The following AHI1 variants were observed in gnomAD, a reference collection of about 807,000 sequenced individuals.
AHI1 encodes Abelson helper integration site 1, also known as jouberin.
AHI1 carries 123 observed loss-of-function variants against 149.3 expected under a neutral mutation model. The ratio of observed to expected loss-of-function variants is 0.82; its 90% confidence interval spans 0.71 to 0.96. The LOEUF (loss-of-function observed/expected upper bound fraction) is 0.96, where lower values mean the gene tolerates loss of function less well. AHI1 is among the 40% of genes least tolerant of loss of function. The pLI is 0.00. For synonymous variants in AHI1, 475 were observed against 459.8 expected, an observed-to-expected ratio of 1.03 and a Z score of -0.42; for missense variants, 1,439 against 1,422.7, an observed-to-expected ratio of 1.01 and a Z score of -0.18.
At chr6:135,380,680 C>T (rs1433932766) in intron 23 of AHI1, among the ~76,000 whole-genome samples, 6 of 150,268 alleles carry the variant, frequency 4.0e-5, no homozygotes, top group African/African-American at 1.5e-4. Flanking sequence ...AATGCTCTTG[C>T]ATTCCCAGTA....
rs965690942 is a variant in AHI1, at chr6:135,492,216, T to C, written c.10+12A>G. 2 of 1,514,406 alleles carry C rather than the reference T, an allele frequency of 1.3e-6. No individual in the cohort carries two copies. The highest frequency in any genetic ancestry group is 2.5e-5 in the East Asian group (1 of 40,278). The allele number at this position is 1,514,406 out of a possible 1,614,324, so 93.8% of individuals were successfully genotyped here. ...ATATAAATTTTATACATAAATTTCA[T>C]AGAAGTCTTACCTGTAGGCATCTCT... On this transcript the variant is annotated intron_variant, in intron 4 of 28. Transcript: ENST00000265602.
Position 135,385,478 on chromosome 6 carries a change from T to C in AHI1, c.3109+9298A>G, listed in dbSNP as rs548817700. 7.5e-4 allele frequency among the ~76,000 whole-genome samples: 115 copies of C among 152,318 alleles called. 1 individual carries two copies. Among genetic ancestry groups the C allele is most frequent in the African/African-American group, 2.6e-3 (109 of 41,580 alleles). Reference sequence around the variant, plus strand: ...AATGCTGCTGATAGGTTAAGCAAGATAAGAACAAAGAATTGACCACTGGAA... The same window carrying C: ...AATGCTGCTGATAGGTTAAGCAAGACAAGAACAAAGAATTGACCACTGGAA... On this transcript the variant is annotated intron_variant, in intron 23 of 28. Coordinates refer to ENST00000265602, the MANE Select transcript of AHI1 (RefSeq NM_001134831.2).
chr6:135,322,186 A>C (rs373265322), intron 25 of AHI1, among the ~76,000 whole-genome samples: 1 of 152,154 alleles, frequency 6.6e-6, no homozygotes, highest in Non-Finnish European at 1.5e-5. Context: ...TAATTCCTTC[A>C]TTTTACAGAA....
At chr6:135,311,688 T>C (rs561850227) in intron 26 of AHI1, among the ~76,000 whole-genome samples, 15 of 152,260 alleles carry the variant, frequency 9.9e-5, no homozygotes, top group African/African-American at 3.6e-4. Flanking sequence ...ACACAAAAAA[T>C]AGAACAAAGT....
intron 23 of AHI1, among the ~76,000 whole-genome samples, chr6:135,393,122 C>T (rs900775927): frequency 1.4e-4 from 21 of 151,940 alleles, no homozygotes; most frequent in African/African-American, 3.6e-4. Flanking sequence ...GAAACTGAAG[C>T]GAAATGGAGC....
At chr6:135,384,872 T>C (rs1241836153) in intron 23 of AHI1, among the ~76,000 whole-genome samples, 1 of 152,140 alleles carries the variant, frequency 6.6e-6, no homozygotes, top group Non-Finnish European at 1.5e-5. Context: ...GCGGATCACC[T>C]GAGGTCAGGA....
intron 5 of AHI1, among the ~76,000 whole-genome samples, chr6:135,485,695 C>T (rs1188535522): frequency 6.6e-6 from 1 of 152,080 alleles, no homozygotes; most frequent in Non-Finnish European, 1.5e-5. Context: ...TTGTTTCTAG[C>T]TATAATCTTT....
chr6:135,360,691 T>C (rs1793725378), intron 23 of AHI1, among the ~76,000 whole-genome samples: 2 of 152,246 alleles, frequency 1.3e-5, no homozygotes, highest in Admixed American at 1.3e-4. Flanking sequence ...AAATTATAAA[T>C]GTTATGTTCA....
chr6:135,494,828 G>A (rs1304619979), intron 3 of AHI1, among the ~76,000 whole-genome samples: 1 of 152,232 alleles, frequency 6.6e-6, no homozygotes, highest in Non-Finnish European at 1.5e-5. Context: ...CTGGGAGATA[G>A]AAGCATTACA....
chr6:135,490,791 T>C, intron 4 of AHI1, 44 bp from the exon 5 acceptor site: 3 of 1,605,212 alleles, frequency 1.9e-6, no homozygotes, highest in Non-Finnish European at 2.6e-6. Flanking sequence ...GACTCTATCA[T>C]AACACACAAC....
At chr6:135,428,525 A>G in intron 19 of AHI1, 104 bp downstream of exon 19, 1 of 1,315,454 alleles carries the variant, frequency 7.6e-7, no homozygotes, top group Non-Finnish European at 9.9e-7. Context: ...AAAACCCAAA[A>G]TCAGAATTTC....
chr6:135,448,131 A>G (rs1787529097), intron 12 of AHI1, among the ~76,000 whole-genome samples, 159 bp downstream of exon 12: 1 of 152,248 alleles, frequency 6.6e-6, no homozygotes, highest in South Asian at 2.1e-4. Context: ...TCATTTAAGC[A>G]TCTTTTAAAT....
At chr6:135,396,084 G>A (rs1218215672) in intron 22 of AHI1, among the ~76,000 whole-genome samples, 2 of 151,570 alleles carry the variant, frequency 1.3e-5, no homozygotes, top group African/African-American at 4.8e-5. Context: ...AGCAGAGTTA[G>A]CAAATTCAGT....
intron 5 of AHI1, among the ~76,000 whole-genome samples, chr6:135,484,842 G>A (rs1794235421): frequency 6.6e-6 from 1 of 150,900 alleles, no homozygotes; most frequent in African/African-American, 2.5e-5. Context: ...AGAAAATGCT[G>A]TCTTTATTTG....
chr6:135,427,138 A>AT (rs1305097728), intron 20 of AHI1, 29 bp downstream of exon 20: 1 of 1,598,722 alleles, frequency 6.3e-7, no homozygotes, highest in Non-Finnish European at 8.5e-7. Context: ...TACTCTAAAA[A>AT]TTCTTTACTT....
At chr6:135,288,082 A>C (rs1428265140) in intron 28 of AHI1, among the ~76,000 whole-genome samples, 2 of 151,996 alleles carry the variant, frequency 1.3e-5, no homozygotes, top group Admixed American at 6.6e-5. Context: ...GCAACACAGC[A>C]AGACTCCCTC....
chr6:135,304,707 G>T (rs1352919600), intron 26 of AHI1, among the ~76,000 whole-genome samples: 1 of 152,164 alleles, frequency 6.6e-6, no homozygotes, highest in African/African-American at 2.4e-5. Flanking sequence ...GGAGGCGGAG[G>T]TTGCAGTGAG....
intron 26 of AHI1, among the ~76,000 whole-genome samples, chr6:135,315,331 CTA>C (rs1415355084): frequency 5.9e-5 from 9 of 152,160 alleles, no homozygotes; most frequent in African/African-American, 2.2e-4. Context: ...GCCTTGAACT[CTA>C]TAGTTCTAGC....
At chr6:135,336,273 G>C (rs1789374996) in intron 24 of AHI1, among the ~76,000 whole-genome samples, 1 of 151,946 alleles carries the variant, frequency 6.6e-6, no homozygotes. Context: ...CTGTCATAAT[G>C]TCACAGCACA....
Sources: allele counts gnomAD v4.1 joint callset (sites outside exome capture counted in the v4.1 genomes callset), GRCh38; gene constraint gnomAD v4.1.1; transcripts MANE v1.5; gene names NCBI Gene and HGNC (gene_info 2026-07-23, HGNC 2026-07-21).